Variants in FOXN3 observed in about 807,000 individuals in gnomAD.
FOXN3 encodes the protein forkhead box N3.
FOXN3 carries 7 observed loss-of-function variants against 38.4 expected under a neutral mutation model. That is an observed-to-expected ratio of 0.18 (90% CI 0.10 to 0.34). The LOEUF is 0.34. Among genes scored for constraint, FOXN3 ranks in the 10% least tolerant of loss-of-function variants. The probability of loss-of-function intolerance (pLI) is 1.00; values close to 1 mark genes in which losing one functional copy is unlikely to be tolerated. For missense variants in FOXN3, 456 were observed against 613.4 expected (o/e 0.74, Z 2.71); for synonymous variants, 230 against 242.2 (o/e 0.95, Z 0.47).
At chr14:89,443,738 A>G (rs10130142) in intron 1 of FOXN3, among the ~76,000 whole-genome samples, 3,386 of 152,206 alleles carry the variant, frequency 0.022, 36 homozygotes, top group Middle Eastern at 0.037. Context: ...GGCCGGGCGC[A>G]GTGGCTCATG....
chr14:89,440,863 T>A (rs888930697), intron 1 of FOXN3, among the ~76,000 whole-genome samples: 4 of 152,182 alleles, frequency 2.6e-5, no homozygotes, highest in African/African-American at 9.6e-5. Flanking sequence ...ACAGTGGGAC[T>A]CTGCAGTGGG....
chr14:89,280,477 C>T lies in FOXN3; in HGVS notation c.745+473G>A, dbSNP rs114441754. Among the ~76,000 whole-genome samples, 1,370 of 152,260 alleles carry T rather than the reference C, an allele frequency of 9.0e-3. 17 individuals carry two copies. Among genetic ancestry groups the T allele is most frequent in the African/African-American group, 0.032 (1,313 of 41,546 alleles). On this transcript the variant is annotated intron_variant, in intron 4 of 5. Transcript: ENST00000557258. ...GAACCTCAGAACAAACCACGGCCAACCTTCCAGGTACATGTAGATGTTGGG... is the reference window on the plus strand; with the variant it reads ...GAACCTCAGAACAAACCACGGCCAATCTTCCAGGTACATGTAGATGTTGGG...
chr14:89,167,367 G>T (rs997959833), intron 5 of FOXN3, among the ~76,000 whole-genome samples: 6 of 152,150 alleles, frequency 3.9e-5, no homozygotes, highest in Admixed American at 3.3e-4. Context: ...TGTCATCTCT[G>T]CCTCTTACCT....
At chr14:89,293,038 C>A (rs996587795) in intron 3 of FOXN3, among the ~76,000 whole-genome samples, 1 of 152,242 alleles carries the variant, frequency 6.6e-6, no homozygotes, top group Admixed American at 6.5e-5. Flanking sequence ...GCCCCACCAT[C>A]AGAGCATTCC....
intron 4 of FOXN3, among the ~76,000 whole-genome samples, chr14:89,227,689 G>A (rs1325274496): frequency 2.0e-5 from 3 of 152,116 alleles, no homozygotes; most frequent in African/African-American, 4.8e-5. Context: ...AATCCGGCAC[G>A]ATAAAGCACA....
intron 1 of FOXN3, among the ~76,000 whole-genome samples, chr14:89,450,305 G>T (rs1566660327): frequency 6.6e-6 from 1 of 152,120 alleles, no homozygotes; most frequent in Non-Finnish European, 1.5e-5. Context: ...TGGTGACCTT[G>T]TCTTAACTAA....
At chr14:89,498,512 C>T (rs1485142794) in intron 1 of FOXN3, among the ~76,000 whole-genome samples, 13 of 152,092 alleles carry the variant, frequency 8.5e-5, no homozygotes, top group Non-Finnish European at 1.9e-4. Flanking sequence ...TGAGCCACCG[C>T]GCCCAGCCCT....
chr14:89,496,827 T>C (rs968832361), intron 1 of FOXN3, among the ~76,000 whole-genome samples: 6 of 152,144 alleles, frequency 3.9e-5, no homozygotes, highest in African/African-American at 1.4e-4. Context: ...TCATTCTACT[T>C]TGTCTCTATG....
Position 89,544,340 on chromosome 14 carries a change from C to CT in FOXN3, c.-15+74687dup, listed in dbSNP as rs796391696. 7.9e-3 allele frequency among the ~76,000 whole-genome samples: 1,130 copies of CT among 143,808 alleles called. 19 individuals are homozygous for CT. The highest frequency in any genetic ancestry group is 0.023 in the African/African-American group (884 of 39,228). 94.3% of individuals were successfully genotyped at this position (143,808 alleles called of 152,430 possible). A position where few individuals can be genotyped will look rare whatever the true frequency, so the allele number is the denominator to read the frequency against. ...ACAGGCGTGAGCCACTGTGCTGGGCCTTTTTTTTTTTAAGACAGGGTCTTG... is the reference window on the plus strand; with the variant it reads ...ACAGGCGTGAGCCACTGTGCTGGGCCTTTTTTTTTTTTAAGACAGGGTCTTG... On this transcript the variant is annotated intron_variant, in intron 1 of 6. Coordinates refer to the FOXN3 transcript ENST00000345097.
rs201754253 is a variant in FOXN3, at chr14:89,577,047, T to G, written c.-15+41981A>C. On this transcript the variant is annotated intron_variant, in intron 1 of 6. Coordinates refer to the FOXN3 transcript ENST00000345097. ...GTCTTCTCTTGTCACCGTAAAAGGC[T>G]GGGAGTAAAATTTCCCATAAACACA... The G allele has an allele frequency of 8.5e-5, 13 of 152,296 alleles. No homozygotes were observed. In the East Asian group the frequency reaches 2.5e-3, roughly 29 times the overall value. 9.4% of individuals were successfully genotyped at this position (152,296 alleles called of 1,614,324 possible).
chr14:89,324,781 C>T (rs185090802), intron 3 of FOXN3, among the ~76,000 whole-genome samples: 3 of 152,280 alleles, frequency 2.0e-5, no homozygotes, highest in Non-Finnish European at 4.4e-5. Flanking sequence ...ACCAGCACAA[C>T]TGCCTGGAAG....
chr14:89,319,818 T>G (rs1351754937), intron 3 of FOXN3, among the ~76,000 whole-genome samples: 2 of 152,202 alleles, frequency 1.3e-5, no homozygotes, highest in Non-Finnish European at 2.9e-5. Flanking sequence ...TGAGTAATGT[T>G]CAGATGATTA....
intron 1 of FOXN3, among the ~76,000 whole-genome samples, chr14:89,482,231 T>G (rs1029069592): frequency 6.6e-6 from 1 of 152,226 alleles, no homozygotes; most frequent in Non-Finnish European, 1.5e-5. Context: ...CAGTATCCCA[T>G]GAGCTCCTCC....
At chr14:89,401,672 T>C (rs1169757753) in intron 2 of FOXN3, 2 of 455,846 alleles carry the variant, frequency 4.4e-6, no homozygotes, top group South Asian at 3.1e-5. Context: ...GACTTGGCCT[T>C]CTAAAAACAA....
intron 1 of FOXN3, among the ~76,000 whole-genome samples, chr14:89,489,892 T>C (rs1488700413): frequency 2.0e-5 from 3 of 152,216 alleles, no homozygotes; most frequent in Non-Finnish European, 4.4e-5. Flanking sequence ...ACATCTTTCT[T>C]GAGACAGCTT....
At chr14:89,364,334 T>G (rs1490323863) in intron 2 of FOXN3, 1 of 136,064 alleles carries the variant, frequency 7.3e-6, no homozygotes. Context: ...TCTAATAGTT[T>G]CTTTTTGTTT....
intron 1 of FOXN3, among the ~76,000 whole-genome samples, chr14:89,616,864 A>G (rs1476382477): frequency 1.3e-5 from 2 of 152,226 alleles, no homozygotes; most frequent in Non-Finnish European, 2.9e-5. Flanking sequence ...CAACAAAAAT[A>G]CAGTTATGAA....
chr14:89,308,143 T>C (rs1265580888), intron 3 of FOXN3, among the ~76,000 whole-genome samples: 5 of 152,130 alleles, frequency 3.3e-5, no homozygotes, highest in Non-Finnish European at 7.3e-5. Context: ...CACCCGCCTA[T>C]AATCCCAGCT....
At chr14:89,610,177 C>T (rs1896360086) in intron 1 of FOXN3, among the ~76,000 whole-genome samples, 1 of 151,904 alleles carries the variant, frequency 6.6e-6, no homozygotes, top group African/African-American at 2.4e-5. Context: ...GTAGCAGAAC[C>T]TGCTGATGTC....
Sources: gnomAD v4.1 joint callset for allele counts (sites outside exome capture counted in the v4.1 genomes callset) on GRCh38, gnomAD v4.1.1 for gene constraint, MANE v1.5 for transcripts, NCBI Gene and HGNC (gene_info 2026-07-23, HGNC 2026-07-21) for gene names.